Variants in L3MBTL4 observed in about 807,000 individuals in gnomAD.
L3MBTL4 encodes lethal(3)malignant brain tumor-like protein 4.
In L3MBTL4, 70 loss-of-function variants were observed where a neutral mutation model predicts 84.5. That is an observed-to-expected ratio of 0.83 (90% confidence interval 0.68 to 1.01). L3MBTL4 has a LOEUF of 1.01. Among genes scored for constraint, L3MBTL4 ranks in the 50% least tolerant of loss-of-function variants. The probability of loss-of-function intolerance (pLI) is 0.00; values close to 1 mark genes in which losing one functional copy is unlikely to be tolerated. For synonymous variants in L3MBTL4, 274 were observed against 259.8 expected, an observed-to-expected ratio of 1.05 and a Z score of -0.52; for missense variants, 715 against 754.8, an observed-to-expected ratio of 0.95 and a Z score of 0.62.
At chr18:6,219,222 T>C (rs773482463) in intron 10 of L3MBTL4, among the ~76,000 whole-genome samples, 5 of 151,860 alleles carry the variant, frequency 3.3e-5, no homozygotes, top group Non-Finnish European at 7.4e-5. Flanking sequence ...CTCATACTTA[T>C]CACTTCGTCC....
intron 18 of L3MBTL4, among the ~76,000 whole-genome samples, chr18:5,958,056 GAGAAGGAGA>G (rs1442686838): frequency 1.1e-4 from 14 of 130,378 alleles, no homozygotes; most frequent in African/African-American, 3.3e-4. Flanking sequence ...GAAGGAGAAG[GAGAAGGAGA>G]AGAAGAAGAA....
intron 4 of L3MBTL4, among the ~76,000 whole-genome samples, chr18:6,282,292 C>T (rs1441045807): frequency 6.6e-6 from 1 of 152,174 alleles, no homozygotes; most frequent in Admixed American, 6.5e-5. Context: ...GCAAACCATA[C>T]TAAGTAAGTG....
intron 1 of L3MBTL4, among the ~76,000 whole-genome samples, chr18:6,346,584 T>C (rs960968671): frequency 3.9e-5 from 6 of 151,956 alleles, no homozygotes; most frequent in Admixed American, 6.6e-5. Flanking sequence ...CCAACAAGTA[T>C]AGAAAAAGGT....
At chr18:6,096,164 G>C (rs1450908353) in intron 14 of L3MBTL4, among the ~76,000 whole-genome samples, 3 of 151,934 alleles carry the variant, frequency 2.0e-5, no homozygotes, top group Non-Finnish European at 4.4e-5. Flanking sequence ...TATCTGTCCA[G>C]CATCTGTAGA....
intron 3 of L3MBTL4, among the ~76,000 whole-genome samples, chr18:6,310,568 T>C (rs1343183714): frequency 6.6e-6 from 1 of 152,172 alleles, no homozygotes; most frequent in Non-Finnish European, 1.5e-5. Context: ...ATGATGTCAC[T>C]TCAGCAACGG....
At chr18:6,196,374 G>A (rs1015819169) in intron 12 of L3MBTL4, among the ~76,000 whole-genome samples, 5 of 152,068 alleles carry the variant, frequency 3.3e-5, no homozygotes, top group Admixed American at 1.3e-4. Context: ...GGCCAGGATG[G>A]TCTTGATCTC....
intron 12 of L3MBTL4, among the ~76,000 whole-genome samples, chr18:6,204,253 A>T (rs1480093864): frequency 6.6e-6 from 1 of 152,230 alleles, no homozygotes; most frequent in Non-Finnish European, 1.5e-5. Flanking sequence ...GGCCGTGCCA[A>T]GAACTCAAGG....
chr18:6,020,722 T>C (rs192208750), intron 16 of L3MBTL4, among the ~76,000 whole-genome samples: 2 of 152,022 alleles, frequency 1.3e-5, no homozygotes, highest in Admixed American at 1.3e-4. Flanking sequence ...AGGAGAGGAG[T>C]CAAGGACGCT....
At chr18:6,290,830 C>A (rs936884376) in intron 4 of L3MBTL4, among the ~76,000 whole-genome samples, 2 of 152,120 alleles carry the variant, frequency 1.3e-5, no homozygotes, top group Non-Finnish European at 2.9e-5. Context: ...GCCCAGCGAG[C>A]TGCAAGTTCT....
At chr18:6,166,460 G>C (rs1281939483) in intron 13 of L3MBTL4, among the ~76,000 whole-genome samples, 1 of 152,094 alleles carries the variant, frequency 6.6e-6, no homozygotes, top group African/African-American at 2.4e-5. Flanking sequence ...TAAAAGAACA[G>C]AAATTATAAC....
chr18:5,963,983 A>T (rs920752866), intron 17 of L3MBTL4, among the ~76,000 whole-genome samples: 2 of 152,336 alleles, frequency 1.3e-5, no homozygotes, highest in South Asian at 4.1e-4. Context: ...GGGGGTGATC[A>T]TGCTGTTGGA....
chr18:6,200,547 T>C (rs544788181), intron 12 of L3MBTL4, among the ~76,000 whole-genome samples: 1 of 152,346 alleles, frequency 6.6e-6, no homozygotes, highest in Admixed American at 6.5e-5. Context: ...AGCCATTTAT[T>C]ATCCATTATC....
intron 14 of L3MBTL4, among the ~76,000 whole-genome samples, chr18:6,123,773 A>G (rs905276645): frequency 1.3e-5 from 2 of 152,218 alleles, no homozygotes; most frequent in African/African-American, 4.8e-5. Flanking sequence ...GATTATGTGA[A>G]TTTGTCCTTT....
At chr18:6,391,751 C>CT (rs1480761389) in intron 1 of L3MBTL4, among the ~76,000 whole-genome samples, 11 of 150,440 alleles carry the variant, frequency 7.3e-5, no homozygotes, top group South Asian at 6.3e-4. Flanking sequence ...ACAACAACAA[C>CT]AACTACTACT....
intron 16 of L3MBTL4, chr18:6,031,810 G>A: frequency 1.1e-6 from 1 of 912,202 alleles, no homozygotes; most frequent in Non-Finnish European, 1.3e-6. Context: ...TCAGATTCAT[G>A]GTTTTTTTTT....
chr18:6,097,798 G>A (rs1014613240), intron 14 of L3MBTL4, among the ~76,000 whole-genome samples: 12 of 152,130 alleles, frequency 7.9e-5, no homozygotes, highest in Non-Finnish European at 1.8e-4. Flanking sequence ...CTAGACTCAG[G>A]TGCCTTCCTG....
chr18:6,149,364 C>T (rs1175954044), intron 13 of L3MBTL4, among the ~76,000 whole-genome samples: 1 of 151,970 alleles, frequency 6.6e-6, no homozygotes, highest in Admixed American at 6.6e-5. Context: ...CATGTCCCTA[C>T]AAAGGACATG....
At chr18:6,144,629 G>T (rs2042570518) in intron 13 of L3MBTL4, among the ~76,000 whole-genome samples, 1 of 152,150 alleles carries the variant, frequency 6.6e-6, no homozygotes, top group African/African-American at 2.4e-5. Context: ...CTCTGATTTT[G>T]CTCAGGGCAA....
chr18:6,005,942 T>C (rs28616756), intron 16 of L3MBTL4, among the ~76,000 whole-genome samples: 8,407 of 152,172 alleles, frequency 0.055, 390 homozygotes, highest in African/African-American at 0.12. Flanking sequence ...TGAACTAATT[T>C]ACATTCCCAC....
Sources: gnomAD v4.1 joint callset for allele counts (sites outside exome capture counted in the v4.1 genomes callset) on GRCh38, gnomAD v4.1.1 for gene constraint, MANE v1.5 for transcripts, NCBI Gene and HGNC (gene_info 2026-07-23, HGNC 2026-07-21) for gene names.